The following DPP10 variants were observed in gnomAD, a reference collection of about 807,000 sequenced individuals.
The protein encoded by DPP10 is dipeptidyl peptidase like 10, also known as inactive dipeptidyl peptidase 10.
Under a neutral mutation model 120.9 loss-of-function variants are expected in DPP10, and 33 were observed. The ratio of observed to expected loss-of-function variants is 0.27; its 90% CI spans 0.21 to 0.37. DPP10 has a LOEUF of 0.37. Ranked by LOEUF, DPP10 falls within the 10% of genes least tolerant of loss-of-function variation. DPP10 has a pLI of 1.00. For missense variants in DPP10, 816 were observed against 942.8 expected (o/e 0.87, Z 1.76); for synonymous variants, 337 against 326.1 (o/e 1.03, Z -0.36).
intron 1 of DPP10, among the ~76,000 whole-genome samples, chr2:115,040,948 G>A (rs949914288): frequency 3.5e-4 from 53 of 151,820 alleles, no homozygotes; most frequent in African/African-American, 1.0e-3. Context: ...ATGAAGCTCC[G>A]TCTCTACTAA....
intron 3 of DPP10, among the ~76,000 whole-genome samples, chr2:115,350,042 A>G (rs2063925063): frequency 6.6e-6 from 1 of 152,134 alleles, no homozygotes; most frequent in African/African-American, 2.4e-5. Context: ...CTTGAAGATA[A>G]CACGTATTTT....
chr2:114,834,524 A>G (rs1687474724), intron 1 of DPP10, among the ~76,000 whole-genome samples: 2 of 150,118 alleles, frequency 1.3e-5, no homozygotes, highest in African/African-American at 2.5e-5. Flanking sequence ...TATAAGACAT[A>G]TCTACGCACC....
At chr2:114,618,054 A>G (rs776094368) in intron 1 of DPP10, among the ~76,000 whole-genome samples, 1 of 152,108 alleles carries the variant, frequency 6.6e-6, no homozygotes, top group Admixed American at 6.6e-5. Flanking sequence ...GGGTCCACGC[A>G]GTGTATTTTT....
chr2:114,654,287 C>A (rs1696815705), intron 1 of DPP10, among the ~76,000 whole-genome samples: 1 of 152,080 alleles, frequency 6.6e-6, no homozygotes, highest in Admixed American at 6.6e-5. Flanking sequence ...AAGTGACTTC[C>A]CATTACATGA....
chr2:115,255,296 G>A lies in DPP10; in HGVS notation c.61-53943G>A, dbSNP rs535823212. Among the ~76,000 whole-genome samples, 74 of 152,262 alleles carry A rather than the reference G, an allele frequency of 4.9e-4. 1 individual carries two copies. Among genetic ancestry groups the A allele is most frequent in the South Asian group, 3.9e-3 (19 of 4,832 alleles). The stretch of plus-strand genomic sequence containing the variant: ...AGCTGTACCTTGGTCCCTTTTAGCC[G>A]TGGCTGGAGTGGCTAGGAGACAGAG... On this transcript the variant is annotated intron_variant, in intron 1 of 25. Coordinates refer to ENST00000410059, the MANE Select transcript of DPP10 (RefSeq NM_020868.6).
chr2:115,533,125 C>T lies in DPP10; in HGVS notation c.441+7153C>T, dbSNP rs545425917. 4.6e-5 allele frequency among the ~76,000 whole-genome samples: 7 copies of T among 152,140 alleles called. No individual in the cohort carries two copies. In the South Asian group the frequency reaches 1.4e-3, roughly 32 times the overall value. ...AGACTAGTTAACTATTTTACACTGT[C>T]AACCACTTTCTTAATACATCTTATG... On this transcript the variant is annotated intron_variant, in intron 5 of 25. Transcript: ENST00000410059.
intron 1 of DPP10, among the ~76,000 whole-genome samples, chr2:115,075,413 T>A (rs1707704901): frequency 6.6e-6 from 1 of 152,208 alleles, no homozygotes; most frequent in Non-Finnish European, 1.5e-5. Flanking sequence ...CTTAGAATGA[T>A]CGAGGGGAAG....
chr2:114,446,343 G>A (rs1325159290), intron 1 of DPP10, among the ~76,000 whole-genome samples: 1 of 152,094 alleles, frequency 6.6e-6, no homozygotes, highest in African/African-American at 2.4e-5. Flanking sequence ...GTATCCTCGT[G>A]TGTCTAAAAT....
At chr2:115,258,756 G>A (rs1196345397) in intron 1 of DPP10, among the ~76,000 whole-genome samples, 6 of 152,064 alleles carry the variant, frequency 3.9e-5, no homozygotes, top group Non-Finnish European at 8.8e-5. Context: ...ACTACTTAGG[G>A]CACACTGGCA....
In DPP10 at chr2:114,984,341, C is replaced by T. The variant is rs568016476; in HGVS notation, c.61-324898C>T. 9.2e-5 allele frequency among the ~76,000 whole-genome samples: 14 copies of T among 152,040 alleles called. No individual in the cohort carries two copies. In the South Asian group the frequency reaches 2.1e-3, roughly 23 times the overall value. On this transcript the variant is annotated intron_variant, in intron 1 of 25. Transcript: ENST00000410059. ...ATGGGGCTAGTCTGGGGCAAATTCG[C>T]GACTGCCGCCTTGGGTTCCAAAGAC...
chr2:115,412,610 T>C (rs1032978402), intron 3 of DPP10, among the ~76,000 whole-genome samples: 3 of 152,190 alleles, frequency 2.0e-5, no homozygotes, highest in African/African-American at 7.2e-5. Context: ...CTTTGTTTCC[T>C]TTATAATAAC....
intron 1 of DPP10, among the ~76,000 whole-genome samples, chr2:114,554,341 G>A (rs1326746130): frequency 1.3e-5 from 2 of 152,218 alleles, no homozygotes; most frequent in Non-Finnish European, 2.9e-5. Flanking sequence ...GCTCTGGGCT[G>A]TGAGGAGTTC....
intron 1 of DPP10, among the ~76,000 whole-genome samples, chr2:115,222,813 A>G (rs1222706830): frequency 6.6e-6 from 1 of 152,154 alleles, no homozygotes; most frequent in Non-Finnish European, 1.5e-5. Context: ...GTATCTAGAT[A>G]TCCTATTGCA....
intron 1 of DPP10, among the ~76,000 whole-genome samples, chr2:114,502,023 C>T (rs1388503931): frequency 3.3e-5 from 5 of 151,174 alleles, no homozygotes; most frequent in East Asian, 1.9e-4. Flanking sequence ...GCAACCTCTG[C>T]CTCCTGGGTT....
At chr2:115,225,597 G>A (rs562090896) in intron 1 of DPP10, among the ~76,000 whole-genome samples, 1 of 152,060 alleles carries the variant, frequency 6.6e-6, no homozygotes, top group South Asian at 2.1e-4. Context: ...TCATCTATGG[G>A]TAGTTAGGAA....
intron 5 of DPP10, among the ~76,000 whole-genome samples, chr2:115,562,446 CT>C (rs759073273): frequency 3.3e-5 from 5 of 152,180 alleles, no homozygotes; most frequent in Admixed American, 6.5e-5. Flanking sequence ...CAGCATCCCC[CT>C]AAGATCAATC....
intron 3 of DPP10, among the ~76,000 whole-genome samples, chr2:115,485,464 A>G: frequency 6.6e-6 from 1 of 151,938 alleles, no homozygotes; most frequent in South Asian, 2.1e-4. Context: ...CTTGGGTCTG[A>G]TTGTTGTTAA....
chr2:114,598,738 G>C lies in DPP10; in HGVS notation c.60+155900G>C, dbSNP rs77258191. On this transcript the variant is annotated intron_variant, in intron 1 of 25. Transcript: ENST00000410059. ...AACATGGAGATCATTGATGGTCTTAGCTGGTTATTAGATCATTTGTTAGCT... is the reference window on the plus strand; with the variant it reads ...AACATGGAGATCATTGATGGTCTTACCTGGTTATTAGATCATTTGTTAGCT... Among the ~76,000 whole-genome samples, 424 of 152,024 alleles carry C rather than the reference G, an allele frequency of 2.8e-3. 4 individuals are homozygous for C. Among genetic ancestry groups the C allele is most frequent in the African/African-American group, 9.5e-3 (394 of 41,504 alleles).
intron 1 of DPP10, among the ~76,000 whole-genome samples, chr2:114,623,309 A>T (rs1694241489): frequency 6.6e-6 from 1 of 152,148 alleles, no homozygotes; most frequent in Admixed American, 6.6e-5. Flanking sequence ...CCTGTGAAAT[A>T]CACTTATAGA....
Sources: allele counts gnomAD v4.1 joint callset (sites outside exome capture counted in the v4.1 genomes callset), GRCh38; gene constraint gnomAD v4.1.1; transcripts MANE v1.5; gene names NCBI Gene and HGNC (gene_info 2026-07-23, HGNC 2026-07-21).